Variants in CSMD3 observed in about 807,000 individuals in gnomAD.
CSMD3 encodes the protein CUB and Sushi multiple domains 3, also known as CUB and sushi domain-containing protein 3.
A neutral mutation model predicts 435.2 loss-of-function variants in CSMD3; 177 were observed. That is an observed-to-expected ratio of 0.41 (90% CI 0.36 to 0.46). The LOEUF is 0.46. CSMD3 is among the 20% of genes least tolerant of loss of function. The pLI is 0.34. For missense variants in CSMD3, 4,265 were observed against 4,504.6 expected, an observed-to-expected ratio of 0.95 and a Z score of 1.52; for synonymous variants, 1,656 against 1,520.5, an observed-to-expected ratio of 1.09 and a Z score of -2.07.
chr8:113,311,352 A>C (rs549671793), intron 2 of CSMD3: 1 of 152,252 alleles, frequency 6.6e-6, no homozygotes, highest in South Asian at 2.1e-4. Flanking sequence ...AGTTTTTAAA[A>C]TATGAAATTC....
intron 10 of CSMD3, among the ~76,000 whole-genome samples, chr8:112,869,987 T>C (rs756952686): frequency 6.6e-6 from 1 of 152,174 alleles, no homozygotes; most frequent in Non-Finnish European, 1.5e-5. Flanking sequence ...CCATGGCACA[T>C]GTATAACTAT....
chr8:112,915,616 A>G (rs1444631933), intron 10 of CSMD3, among the ~76,000 whole-genome samples: 1 of 151,644 alleles, frequency 6.6e-6, no homozygotes, highest in African/African-American at 2.4e-5. Context: ...ATAAAAATGC[A>G]TGAAGACAAA....
chr8:112,808,669 T>C (rs1264805613), intron 12 of CSMD3, among the ~76,000 whole-genome samples: 4 of 152,192 alleles, frequency 2.6e-5, no homozygotes, highest in Non-Finnish European at 4.4e-5. Flanking sequence ...TGGAACTGTT[T>C]GTTTTCCTGT....
At chr8:112,617,173 C>T (rs1431518438) in intron 22 of CSMD3, among the ~76,000 whole-genome samples, 2 of 152,136 alleles carry the variant, frequency 1.3e-5, no homozygotes, top group Non-Finnish European at 2.9e-5. Flanking sequence ...AATGCATGTG[C>T]AAAATCTTCA....
At chr8:113,395,149 T>C (rs2094477423) in intron 1 of CSMD3, among the ~76,000 whole-genome samples, 1 of 152,108 alleles carries the variant, frequency 6.6e-6, no homozygotes, top group African/African-American at 2.4e-5. Context: ...AGTACAAACA[T>C]AAGGAACAGT....
At chr8:112,437,658 C>T (rs1814519739) in intron 32 of CSMD3, among the ~76,000 whole-genome samples, 1 of 151,918 alleles carries the variant, frequency 6.6e-6, no homozygotes, top group South Asian at 2.1e-4. Flanking sequence ...TCTTTTATAA[C>T]AAAATATACT....
chr8:112,821,987 C>T (rs1296973794), intron 12 of CSMD3, among the ~76,000 whole-genome samples: 1 of 152,124 alleles, frequency 6.6e-6, no homozygotes, highest in East Asian at 1.9e-4. Flanking sequence ...TCTGAGCTCT[C>T]TGTTATGTTC....
At chr8:112,809,303 T>C (rs1390629485) in intron 12 of CSMD3, among the ~76,000 whole-genome samples, 2 of 152,174 alleles carry the variant, frequency 1.3e-5, no homozygotes, top group African/African-American at 4.8e-5. Context: ...GAGGTAAGAT[T>C]AGCTGATCCT....
At chr8:112,673,430 T>C (rs1418360615) in intron 16 of CSMD3, among the ~76,000 whole-genome samples, 1 of 152,032 alleles carries the variant, frequency 6.6e-6, no homozygotes, top group African/African-American at 2.4e-5. Context: ...GGCTATTAAA[T>C]TACATTATTC....
chr8:112,868,827 T>G (rs1242480054), intron 10 of CSMD3, among the ~76,000 whole-genome samples: 1 of 152,138 alleles, frequency 6.6e-6, no homozygotes, highest in African/African-American at 2.4e-5. Context: ...ATAATGAAAT[T>G]GGGCCCTTGT....
At chr8:112,969,050 A>G (rs2084536363) in intron 7 of CSMD3, among the ~76,000 whole-genome samples, 1 of 152,010 alleles carries the variant, frequency 6.6e-6, no homozygotes, top group Non-Finnish European at 1.5e-5. Context: ...ATGGGCACAT[A>G]ATAAGCACCT....
chr8:112,690,479 G>A (rs539241722), intron 13 of CSMD3, among the ~76,000 whole-genome samples: 2 of 151,780 alleles, frequency 1.3e-5, no homozygotes, highest in Admixed American at 6.6e-5. Context: ...ACCAGGACAC[G>A]AGGGAACATT....
chr8:113,226,057 C>T (rs1025130203), intron 3 of CSMD3, among the ~76,000 whole-genome samples: 3 of 151,440 alleles, frequency 2.0e-5, no homozygotes, highest in African/African-American at 4.8e-5. Flanking sequence ...GCTTCCTCTT[C>T]CACCATGACT....
At chr8:113,223,998 C>T (rs2092998933) in intron 3 of CSMD3, among the ~76,000 whole-genome samples, 1 of 150,944 alleles carries the variant, frequency 6.6e-6, no homozygotes, top group Non-Finnish European at 1.5e-5. Context: ...CTAGCATGTT[C>T]CTACAACATC....
chr8:112,714,994 C>G (rs2076692664), intron 13 of CSMD3, among the ~76,000 whole-genome samples: 1 of 151,950 alleles, frequency 6.6e-6, no homozygotes, highest in African/African-American at 2.4e-5. Context: ...AATCAACACC[C>G]TAATATCACA....
chr8:112,586,979 T>C (rs942777578), intron 23 of CSMD3, 87 bp downstream of exon 23: 11 of 869,002 alleles, frequency 1.3e-5, no homozygotes, highest in Non-Finnish European at 1.9e-5. Flanking sequence ...TACATACACA[T>C]ATATATATAG....
intron 12 of CSMD3, among the ~76,000 whole-genome samples, chr8:112,808,670 G>C (rs2079150319): frequency 6.6e-6 from 1 of 152,102 alleles, no homozygotes; most frequent in East Asian, 1.9e-4. Flanking sequence ...GGAACTGTTT[G>C]TTTTCCTGTA....
intron 22 of CSMD3, among the ~76,000 whole-genome samples, chr8:112,619,221 T>C (rs1184292020): frequency 6.6e-6 from 1 of 152,044 alleles, no homozygotes; most frequent in Non-Finnish European, 1.5e-5. Context: ...TGGGGTAGAA[T>C]TGCTTATTGC....
intron 4 of CSMD3, among the ~76,000 whole-genome samples, chr8:113,099,739 G>A (rs140727466): frequency 4.6e-5 from 7 of 152,042 alleles, no homozygotes; most frequent in East Asian, 3.9e-4. Flanking sequence ...AACTAGCAGC[G>A]TGGTTATATG....
Sources: allele counts gnomAD v4.1 joint callset (sites outside exome capture counted in the v4.1 genomes callset), GRCh38; gene constraint gnomAD v4.1.1; transcripts MANE v1.5; gene names NCBI Gene and HGNC (gene_info 2026-07-23, HGNC 2026-07-21).